The following TOP1MT variants were observed in gnomAD, a reference collection of about 807,000 sequenced individuals.
TOP1MT encodes the protein DNA topoisomerase I mitochondrial.
In TOP1MT, 80 loss-of-function variants were observed where a neutral mutation model predicts 73.9. That is an observed-to-expected ratio of 1.08 (90% confidence interval 0.90 to 1.30). The LOEUF (loss-of-function observed/expected upper bound fraction) is 1.30, where lower values mean the gene tolerates loss of function less well. Ranked by LOEUF, TOP1MT falls within the 50% of genes most tolerant of loss-of-function variation. TOP1MT has a pLI of 0.00. For synonymous variants in TOP1MT, 338 were observed against 326.4 expected, an observed-to-expected ratio of 1.04 and a Z score of -0.38; for missense variants, 815 against 808.0, an observed-to-expected ratio of 1.01 and a Z score of -0.10.
chr8:143,320,056 G>C (rs562936489), intron 8 of TOP1MT, among the ~76,000 whole-genome samples: 5 of 151,850 alleles, frequency 3.3e-5, no homozygotes. Context: ...CCCAGGAGGC[G>C]GAGGTCGCAG....
intron 7 of TOP1MT, among the ~76,000 whole-genome samples, 192 bp downstream of exon 7, chr8:143,323,802 ACACAC>A (rs1816624708): frequency 6.6e-6 from 1 of 151,550 alleles, no homozygotes. Context: ...ACAAGTGCAC[ACACAC>A]CACACAATGC....
upstream of TOP1MT, among the ~76,000 whole-genome samples, chr8:143,336,648 T>C (rs1586776330): frequency 1.3e-5 from 2 of 152,270 alleles, no homozygotes; most frequent in African/African-American, 4.8e-5. Context: ...TTATGTCTAT[T>C]TGCAGGTGGC....
rs150582723 is a variant in TOP1MT, at chr8:143,341,317, G to A, written c.29+1903C>T. 2.6e-3 allele frequency among the ~76,000 whole-genome samples: 395 copies of A among 152,080 alleles called. 3 individuals carry two copies. Among genetic ancestry groups the A allele is most frequent in the African/African-American group, 4.4e-3 (181 of 41,496 alleles). Reference sequence around the variant, plus strand: ...AGGTCCTCTTCCAGAGCCCCCTTCCGGCTGGGCACCGCCTGCAGGGCCATG... The same window carrying A: ...AGGTCCTCTTCCAGAGCCCCCTTCCAGCTGGGCACCGCCTGCAGGGCCATG... On this transcript the variant is annotated intron_variant, in intron 2 of 5. Transcript: ENST00000518007. This position sits in a 1 kb window ranked among gnomAD's most constrained non-coding sequence, Gnocchi z 4.1.
chr8:143,337,175 C>G (rs985854661), upstream of TOP1MT, among the ~76,000 whole-genome samples: 1 of 152,148 alleles, frequency 6.6e-6, no homozygotes, highest in African/African-American at 2.4e-5. Context: ...GCCTGTAATC[C>G]CAGCACTTTG....
Position 143,321,320 on chromosome 8 carries a change from GGGA to G in TOP1MT, c.1024_1026del (p.Ser342del). On this transcript the variant is annotated inframe_deletion, in exon 8 of 14. Coordinates refer to ENST00000329245, the MANE Select transcript of TOP1MT (RefSeq NM_052963.3). ...TGCAGCTGGACGTGCTCCACGCGGAGGGAACAGCAGCCCACGGTGTCGGCCGCC... is the reference window on the plus strand; with the variant it reads ...TGCAGCTGGACGTGCTCCACGCGGAGACAGCAGCCCACGGTGTCGGCCGCC... 5.6e-6 allele frequency: 9 copies of G among 1,608,440 alleles called. No individual in the cohort carries two copies. Among genetic ancestry groups the G allele is most frequent in the Non-Finnish European group, 7.7e-6 (9 of 1,175,884 alleles).
chr8:143,332,940 A>C (rs1170149439), intron 1 of TOP1MT, among the ~76,000 whole-genome samples: 1 of 152,180 alleles, frequency 6.6e-6, no homozygotes, highest in Admixed American at 6.5e-5. Flanking sequence ...GAGCTTTTCC[A>C]CGTCAGGTGA....
intron 2 of TOP1MT, among the ~76,000 whole-genome samples, chr8:143,342,808 AGAGTCTCG>A (rs1337283928): frequency 1.3e-5 from 2 of 150,324 alleles, no homozygotes; most frequent in Non-Finnish European, 3.0e-5. Context: ...TATTAGAGAC[AGAGTCTCG>A]CTCTGTCACC....
chr8:143,320,542 C>T (rs1173503930), intron 8 of TOP1MT, among the ~76,000 whole-genome samples: 1 of 152,252 alleles, frequency 6.6e-6, no homozygotes, highest in Non-Finnish European at 1.5e-5. Context: ...ACTGAGATTA[C>T]AGGAGTGCAC....
intron 3 of TOP1MT, among the ~76,000 whole-genome samples, 158 bp downstream of exon 3, chr8:143,329,192 A>G (rs1816784490): frequency 6.6e-6 from 1 of 152,094 alleles, no homozygotes; most frequent in Non-Finnish European, 1.5e-5. Flanking sequence ...GCTTGAGCCC[A>G]GGAGCTCGAA....
At chr8:143,342,098 GCT>G (rs373732132) in intron 2 of TOP1MT, among the ~76,000 whole-genome samples, 3 of 99,898 alleles carry the variant, frequency 3.0e-5, no homozygotes, top group African/African-American at 1.4e-4. Flanking sequence ...TTAGAGTCTC[GCT>G]CTGTTATTAT....
At position 143,316,038 on chromosome 8, in the gene TOP1MT, G is replaced by A. The variant is rs1053039898; in HGVS notation, c.1419C>T (p.Pro473=). The stretch of plus-strand genomic sequence containing the variant: ...TCTGCATCGACTTCTCGAACGTACT[G>A]GGGGTTGCTCGCTGATGGTTGCAGA... ...AILCNHQRAT[P]STFEKSMQNL... Residue 473 remains proline, a synonymous_variant, in exon 11 of 14, where the codon CCC becomes CCT. Transcript: ENST00000329245. 13 of 1,614,170 alleles carry A rather than the reference G, an allele frequency of 8.1e-6. No individual in the cohort carries two copies. The highest frequency in any genetic ancestry group is 1.0e-5 in the Non-Finnish European group (12 of 1,179,992).
chr8:143,336,589 C>G (rs1162958341), upstream of TOP1MT, among the ~76,000 whole-genome samples: 1 of 152,098 alleles, frequency 6.6e-6, no homozygotes, highest in Non-Finnish European at 1.5e-5. Flanking sequence ...ACTGAGCAAA[C>G]AGGCAAGCAG....
At position 143,321,551 on chromosome 8, in the gene TOP1MT, CGCACGCCACACACACGCACGCCACACAG is replaced by C. The variant is rs1816365780; in HGVS notation, c.961-193_961-166del. On this transcript the variant is annotated intron_variant, in intron 7 of 13. Transcript: ENST00000329245. ...ACGCCACACACACGCACGCCACACACGCACGCCACACACACGCACGCCACACAGGCACGCCACACGCACGCACGCCACA... is the reference window on the plus strand; with the variant it reads ...ACGCCACACACACGCACGCCACACACGCACGCCACACGCACGCACGCCACA... 2.6e-5 allele frequency among the ~76,000 whole-genome samples: 3 copies of C among 114,954 alleles called. No individual in the cohort carries two copies. The South Asian group carries it at 8.6e-4, about 33-fold the overall frequency. The allele number at this position is 114,954 out of a possible 152,430, so 75.4% of individuals were successfully genotyped here.
At chr8:143,325,658 T>A in intron 4 of TOP1MT, 125 bp from the exon 5 acceptor site, 1 of 881,438 alleles carries the variant, frequency 1.1e-6, no homozygotes, top group Non-Finnish European at 1.7e-6. Context: ...TCAAAGCCCT[T>A]CACAATCCAT....
chr8:143,331,141 G>A, intron 2 of TOP1MT, 83 bp downstream of exon 2: 1 of 1,089,562 alleles, frequency 9.2e-7, no homozygotes. Flanking sequence ...GGGGGGCTGA[G>A]GGAGCGAGCC....
intron 1 of TOP1MT, among the ~76,000 whole-genome samples, chr8:143,354,798 C>T (rs562037300): frequency 6.6e-6 from 1 of 152,130 alleles, no homozygotes; most frequent in East Asian, 1.9e-4. Context: ...GGGCAGCTCC[C>T]AGAACCAGAA....
rs568516566 is a variant in TOP1MT at position 143,326,933 on chromosome 8, C to T, written c.361-589G>A. Among the ~76,000 whole-genome samples the T allele has an allele frequency of 2.6e-5, 4 of 152,286 alleles. No homozygotes were observed. The South Asian group carries it at 8.3e-4, about 32-fold the overall frequency. On this transcript the variant is annotated intron_variant, in intron 3 of 13. Transcript: ENST00000329245. Reference sequence around the variant, plus strand: ...TTTGACGTCTATGGAGGGCCCAGTCCCTGCTTCTGAGAGGATGCCCTGAAG... The same window carrying T: ...TTTGACGTCTATGGAGGGCCCAGTCTCTGCTTCTGAGAGGATGCCCTGAAG...
At chr8:143,327,286 G>C (rs1222068162) in intron 3 of TOP1MT, 1 of 152,448 alleles carries the variant, frequency 6.6e-6, no homozygotes, top group Admixed American at 6.5e-5. Flanking sequence ...CAGGACGCGG[G>C]AACAGGAGAC....
chr8:143,321,244 T>C lies in TOP1MT; in HGVS notation c.1103A>G (p.Lys368Arg). ...TCTGTTGTAGTAGCGGATGCAGTCC[T>C]TCCCCAGGAAGTCAAATTCCACCAC... ...QHVVEFDFLG[K>R]DCIRYYNRVP... Residue 368 changes from lysine (K) to arginine (R), a missense_variant, in exon 8 of 14, where the codon AAG becomes AGG. Lys to Arg is a conservative substitution (Grantham distance 26). This residue lies in a region of TOP1MT where 751 missense variants were observed against 725.4 expected (regional missense o/e 1.04). Transcript: ENST00000329245. 1 of 1,612,050 alleles carries C rather than the reference T, an allele frequency of 6.2e-7. No homozygotes were observed. Among genetic ancestry groups the C allele is most frequent in the Non-Finnish European group, 8.5e-7 (1 of 1,178,996 alleles).
Sources: gnomAD v4.1 joint callset for allele counts (sites outside exome capture counted in the v4.1 genomes callset) on GRCh38, gnomAD v4.1.1 for gene constraint, gnomAD v4.1.1 regional missense constraint, Gnocchi (gnomAD v3.1) non-coding constraint, MANE v1.5 for transcripts, NCBI Gene and HGNC (gene_info 2026-07-23, HGNC 2026-07-21) for gene names.